Variants in CDH7 observed in about 807,000 individuals in gnomAD.
CDH7 encodes cadherin-7.
Under a neutral mutation model 71.8 loss-of-function variants are expected in CDH7, and 25 were observed. The ratio of observed to expected loss-of-function variants is 0.35; its 90% CI spans 0.25 to 0.49. The LOEUF (loss-of-function observed/expected upper bound fraction) is 0.49, where lower values mean the gene tolerates loss of function less well. CDH7 is among the 20% of genes least tolerant of loss of function. The probability of loss-of-function intolerance (pLI) is 0.99; values close to 1 mark genes in which losing one functional copy is unlikely to be tolerated. For missense variants in CDH7, 862 were observed against 974.6 expected (o/e 0.88, Z 1.54); for synonymous variants, 381 against 363.8 (o/e 1.05, Z -0.54).
intron 7 of CDH7, among the ~76,000 whole-genome samples, chr18:65,848,137 G>C (rs1913000845): frequency 6.6e-6 from 1 of 151,998 alleles, no homozygotes; most frequent in Non-Finnish European, 1.5e-5. Flanking sequence ...TGCTGATTCT[G>C]GTCACGTTTC....
intron 2 of CDH7, among the ~76,000 whole-genome samples, chr18:65,789,553 C>T (rs1378272124): frequency 6.6e-6 from 1 of 151,796 alleles, no homozygotes; most frequent in Admixed American, 6.6e-5. Context: ...AATTCTGTTA[C>T]AGTCAAAGTC....
intron 6 of CDH7, among the ~76,000 whole-genome samples, chr18:65,827,260 T>G (rs1912165988): frequency 6.6e-6 from 1 of 151,902 alleles, no homozygotes; most frequent in Non-Finnish European, 1.5e-5. Context: ...CTTTGTTTTG[T>G]TATATAACAT....
At chr18:65,750,927 G>C (rs868598483), upstream of CDH7, 1 of 152,262 alleles carries the variant, frequency 6.6e-6, no homozygotes, top group Non-Finnish European at 1.5e-5. Flanking sequence ...GCCGGGGCAG[G>C]GTCCCCGCGC....
chr18:65,827,424 A>G (rs1022641790), intron 6 of CDH7, among the ~76,000 whole-genome samples: 1 of 151,916 alleles, frequency 6.6e-6, no homozygotes, highest in African/African-American at 2.4e-5. Flanking sequence ...ATCCTGAATT[A>G]CTATGGAGAA....
At chr18:65,857,759 C>T (rs900818697) in intron 7 of CDH7, 57 bp from the exon 8 acceptor site, 21 of 1,548,160 alleles carry the variant, frequency 1.4e-5, no homozygotes, top group Non-Finnish European at 1.7e-5. Flanking sequence ...ATAGTTTCAG[C>T]AAATTATAAT....
chr18:65,870,503 G>A (rs1375734497), intron 11 of CDH7, among the ~76,000 whole-genome samples: 1 of 151,964 alleles, frequency 6.6e-6, no homozygotes, highest in East Asian at 1.9e-4. Context: ...CACTTACATG[G>A]AATCTAAATG....
chr18:65,863,007 A>C, intron 11 of CDH7, 90 bp downstream of exon 11: 1 of 1,342,526 alleles, frequency 7.4e-7, no homozygotes, highest in South Asian at 1.3e-5. Flanking sequence ...TTTGGTGAAC[A>C]TATGCAGATA....
At chr18:65,793,695 G>A (rs1175963004) in intron 2 of CDH7, among the ~76,000 whole-genome samples, 2 of 152,062 alleles carry the variant, frequency 1.3e-5, no homozygotes, top group Non-Finnish European at 2.9e-5. Flanking sequence ...ACTTGATTTT[G>A]TAAAGAAAAT....
At chr18:65,836,472 A>G (rs2143971257) in intron 6 of CDH7, among the ~76,000 whole-genome samples, 1 of 152,144 alleles carries the variant, frequency 6.6e-6, no homozygotes, top group East Asian at 1.9e-4. Flanking sequence ...TGAAAATAAT[A>G]TCTCCTGATA....
chr18:65,817,092 G>A (rs1260675475), intron 4 of CDH7, among the ~76,000 whole-genome samples: 1 of 152,114 alleles, frequency 6.6e-6, no homozygotes, highest in East Asian at 1.9e-4. Flanking sequence ...ACTGAGTACA[G>A]GGTCGGAATG....
chr18:65,876,129 A>T (rs1244284891), intron 11 of CDH7, among the ~76,000 whole-genome samples: 1 of 152,070 alleles, frequency 6.6e-6, no homozygotes, highest in South Asian at 2.1e-4. Flanking sequence ...TACTGTATTT[A>T]TCTGTGAATA....
chr18:65,838,928 A>G (rs1912630348), intron 6 of CDH7, among the ~76,000 whole-genome samples: 1 of 152,200 alleles, frequency 6.6e-6, no homozygotes, highest in African/African-American at 2.4e-5. Context: ...GCAGGAAATA[A>G]TGCTTCTAAT....
Position 65,885,912 on chromosome 18 carries a change from T to C in CDH7, c.*5018T>C, listed in dbSNP as rs1167017585. 1.3e-5 allele frequency: 2 copies of C among 152,216 alleles called. No individual in the cohort carries two copies. The highest frequency in any genetic ancestry group is 2.9e-5 in the Non-Finnish European group (2 of 68,030). 9.4% of individuals were successfully genotyped at this position (152,216 alleles called of 1,614,324 possible). ...CTAAGGAAAGAACATTTAGCTGTTA[T>C]TTGTGTAATTGTCACATATTATTGT... On this transcript the variant is annotated 3_prime_UTR_variant, in exon 12 of 12. Transcript: ENST00000397968.
rs1425759692 is a variant in CDH7, at chr18:65,782,158, CTTTCTTCCTTTCTT to C, written c.210+19108_210+19121del. ...TCTTTCTTTCTTTCTTTCTTTCTTT[CTTTCTTCCTTTCTT>C]TCTTTCTTTCTTTCTTGACAGAGTC... On this transcript the variant is annotated intron_variant, in intron 2 of 11. Coordinates refer to ENST00000397968, the MANE Select transcript of CDH7 (RefSeq NM_004361.5). 8.1e-3 allele frequency among the ~76,000 whole-genome samples: 900 copies of C among 110,496 alleles called. 57 individuals are homozygous for C. Among genetic ancestry groups the C allele is most frequent in the African/African-American group, 9.2e-3 (207 of 22,408 alleles). The allele number at this position is 110,496 out of a possible 152,430, so 72.5% of individuals were successfully genotyped here.
intron 2 of CDH7, among the ~76,000 whole-genome samples, chr18:65,782,136 T>C (rs191548132): frequency 0.034 from 2,002 of 59,266 alleles, 348 homozygotes; most frequent in Middle Eastern, 0.058. Context: ...CTTTCTTTCT[T>C]TCTTTCTTTC....
chr18:65,780,932 T>G (rs1329275909), intron 2 of CDH7, among the ~76,000 whole-genome samples: 1 of 151,500 alleles, frequency 6.6e-6, no homozygotes, highest in African/African-American at 2.4e-5. Flanking sequence ...TTTTTTTTTT[T>G]TTTTTCGGAG....
intron 1 of CDH7, among the ~76,000 whole-genome samples, chr18:65,751,746 G>T (rs1321058440): frequency 6.6e-6 from 1 of 152,060 alleles, no homozygotes; most frequent in Non-Finnish European, 1.5e-5. Flanking sequence ...CGTCCCCTCC[G>T]CCTGGCAGTA....
chr18:65,869,268 A>T (rs534437077), intron 11 of CDH7, among the ~76,000 whole-genome samples: 16 of 150,690 alleles, frequency 1.1e-4, no homozygotes, highest in African/African-American at 3.4e-4. Flanking sequence ...ACCATTCTCT[A>T]TCAGAACCAA....
intron 2 of CDH7, among the ~76,000 whole-genome samples, chr18:65,791,928 C>G (rs1280941642): frequency 6.6e-6 from 1 of 152,092 alleles, no homozygotes; most frequent in East Asian, 1.9e-4. Context: ...TCTCTGTGGC[C>G]TTTATTTTCA....
Sources: gnomAD v4.1 joint callset for allele counts (sites outside exome capture counted in the v4.1 genomes callset) on GRCh38, gnomAD v4.1.1 for gene constraint, MANE v1.5 for transcripts, NCBI Gene and HGNC (gene_info 2026-07-23, HGNC 2026-07-21) for gene names.